The following PCDHA10 variants were observed in gnomAD, a reference collection of about 807,000 sequenced individuals.
PCDHA10 encodes the protein protocadherin alpha-10.
PCDHA10 carries 45 observed loss-of-function variants against 61.2 expected under a neutral mutation model. The observed-to-expected ratio is 0.74, with a 90% CI of 0.58 to 0.94. The LOEUF (loss-of-function observed/expected upper bound fraction) is 0.94, where lower values mean the gene tolerates loss of function less well. PCDHA10 is among the 40% of genes least tolerant of loss of function. The probability of loss-of-function intolerance (pLI) is 0.00; values close to 1 mark genes in which losing one functional copy is unlikely to be tolerated. For missense variants in PCDHA10, 1,278 were observed against 1,236.2 expected, an observed-to-expected ratio of 1.03 and a Z score of -0.51; for synonymous variants, 602 against 548.8, an observed-to-expected ratio of 1.10 and a Z score of -1.35.
At chr5:140,886,742 C>T (rs2061110620) in intron 1 of PCDHA10, among the ~76,000 whole-genome samples, 1 of 149,008 alleles carries the variant, frequency 6.7e-6, no homozygotes, top group Non-Finnish European at 1.5e-5. Flanking sequence ...AAGAGAATTG[C>T]TTGAACCCGG....
At position 140,877,889 on chromosome 5, in the gene PCDHA10, G is replaced by A. The variant is rs904032241; in HGVS notation, c.2388+19453G>A. On this transcript the variant is annotated intron_variant, in intron 1 of 3. Coordinates refer to ENST00000307360, the MANE Select transcript of PCDHA10 (RefSeq NM_018901.4). ...ATATTTGTTTCCTTGAAGAACTTCC[G>A]TTTAGGTTATAACTACATTCTCTCA... 3.3e-5 allele frequency: 48 copies of A among 1,457,998 alleles called. No homozygotes were observed. The African/African-American group carries it at 6.0e-4, about 18-fold the overall frequency. 90.3% of individuals were successfully genotyped at this position (1,457,998 alleles called of 1,614,324 possible). A position where few individuals can be genotyped will look rare whatever the true frequency, so the allele number is the denominator to read the frequency against.
intron 1 of PCDHA10, among the ~76,000 whole-genome samples, chr5:140,921,646 G>T (rs957810883): frequency 6.6e-6 from 1 of 152,124 alleles, no homozygotes; most frequent in Admixed American, 6.5e-5. Context: ...GCTATTTTAA[G>T]GGAACTTAAT....
intron 1 of PCDHA10, among the ~76,000 whole-genome samples, chr5:140,940,510 G>A (rs1477590604): frequency 4.0e-5 from 6 of 151,894 alleles, no homozygotes; most frequent in African/African-American, 9.7e-5. Context: ...TCGCTCAGGC[G>A]TGATCATAGC....
chr5:140,911,455 C>G (rs1266220741), intron 1 of PCDHA10, among the ~76,000 whole-genome samples: 3 of 152,132 alleles, frequency 2.0e-5, no homozygotes, highest in African/African-American at 7.2e-5. Flanking sequence ...AGCTCTTTCT[C>G]TACAGGAGAT....
intron 1 of PCDHA10, among the ~76,000 whole-genome samples, chr5:140,956,246 C>T (rs2095270779): frequency 6.6e-6 from 1 of 152,094 alleles, no homozygotes; most frequent in African/African-American, 2.4e-5. Context: ...GGGAATGCTT[C>T]CAGGTTTTGC....
chr5:141,003,574 A>C (rs559561339), intron 3 of PCDHA10, among the ~76,000 whole-genome samples: 9 of 151,680 alleles, frequency 5.9e-5, no homozygotes, highest in African/African-American at 2.2e-4. Context: ...CAGACTCCCA[A>C]AGTGCTGGGA....
intron 1 of PCDHA10, chr5:140,882,641 G>A (rs1464189390): frequency 6.2e-7 from 1 of 1,614,104 alleles, no homozygotes; most frequent in Non-Finnish European, 8.5e-7. Context: ...GAAGGTGAGG[G>A]ACATTAACGA....
In PCDHA10 at chr5:140,978,964, C is replaced by A; in HGVS notation, c.2404C>A (p.Pro802Thr). The A allele has an allele frequency of 6.2e-7, 1 of 1,614,122 alleles. No individual in the cohort carries two copies. The highest frequency in any genetic ancestry group is 1.3e-5 in the African/African-American group (1 of 75,040). ...GATTTTGCAGCCACGACAGCCCAAC[C>A]CTGACTGGCGTTACTCTGCCTCCCT... The part of the protein sequence containing the change: ...DHSRKPRQPN[P>T]DWRYSASLRA... Residue 802 changes from proline (P) to threonine (T), a missense_variant, in exon 2 of 4, where the codon CCT becomes ACT. Transcript: ENST00000307360.
In PCDHA10 at chr5:141,011,807, A is replaced by G. The variant is rs940017317; in HGVS notation, c.*1870A>G. ...CTAATGGTATCTGAAATATCAGCTC[A>G]TAGAAAGTAACAAAATTTGCTGTCA... On this transcript the variant is annotated 3_prime_UTR_variant, in exon 4 of 4. Coordinates refer to ENST00000307360, the MANE Select transcript of PCDHA10 (RefSeq NM_018901.4). The G allele has an allele frequency of 1.3e-5, 2 of 153,798 alleles. No individual in the cohort carries two copies. Among genetic ancestry groups the G allele is most frequent in the African/African-American group, 4.8e-5 (2 of 41,468 alleles). The allele number at this position is 153,798 out of a possible 1,614,324, so 9.5% of individuals were successfully genotyped here.
At chr5:140,938,631 T>C (rs1554212262) in intron 1 of PCDHA10, among the ~76,000 whole-genome samples, 1 of 152,208 alleles carries the variant, frequency 6.6e-6, no homozygotes. Context: ...AGGTTGCTTA[T>C]GATGTATAAT....
intron 2 of PCDHA10, 171 bp downstream of exon 2, chr5:140,979,178 G>T: frequency 1.1e-6 from 1 of 944,140 alleles, no homozygotes; most frequent in Non-Finnish European, 1.3e-6. Flanking sequence ...GATCGCAAAT[G>T]GTCAGTGCCA....
chr5:140,999,091 T>G (rs1342614556), intron 3 of PCDHA10, among the ~76,000 whole-genome samples: 1 of 152,208 alleles, frequency 6.6e-6, no homozygotes, highest in South Asian at 2.1e-4. Flanking sequence ...TTCAGAGGGC[T>G]ATGGAGAGTA....
At chr5:140,903,625 A>T (rs2153481028) in intron 1 of PCDHA10, among the ~76,000 whole-genome samples, 1 of 152,362 alleles carries the variant, frequency 6.6e-6, no homozygotes, top group East Asian at 1.9e-4. Context: ...GTGCATGCAT[A>T]TGTATGCATA....
chr5:141,011,085 T>C lies in PCDHA10; in HGVS notation c.*1148T>C, dbSNP rs2098419298. The C allele has an allele frequency of 6.5e-6, 1 of 153,776 alleles. No homozygotes were observed. Among genetic ancestry groups the C allele is most frequent in the Non-Finnish European group, 1.5e-5 (1 of 68,046 alleles). The allele number at this position is 153,776 out of a possible 1,614,324, so 9.5% of individuals were successfully genotyped here. A position where few individuals can be genotyped will look rare whatever the true frequency, so the allele number is the denominator to read the frequency against. ...ATGTATTACTAAATAAAATGATCTC[T>C]CTTTCTCTCTCTCTCTCTCTTTTCT... On this transcript the variant is annotated 3_prime_UTR_variant, in exon 4 of 4. Transcript: ENST00000307360.
In PCDHA10 at chr5:140,856,944, G is replaced by C. The variant is rs1424566635; in HGVS notation, c.896G>C (p.Gly299Ala). ...RRKFWINERTGEIKVNDAIDF... is the reference protein window; with the variant it reads ...RRKFWINERTAEIKVNDAIDF... Reference sequence around the variant, plus strand: ...AAATTTTGGATAAACGAAAGGACGGGAGAAATAAAAGTAAATGATGCTATT... The same window carrying C: ...AAATTTTGGATAAACGAAAGGACGGCAGAAATAAAAGTAAATGATGCTATT... Residue 299 changes from glycine to alanine, a missense_variant, in exon 1 of 4, where the codon GGA becomes GCA. Gly to Ala is a moderately conservative substitution (Grantham distance 60). Transcript: ENST00000307360. 8.8e-6 allele frequency: 14 copies of C among 1,593,558 alleles called. 1 individual carries two copies. The highest frequency in any genetic ancestry group is 1.3e-5 in the African/African-American group (1 of 74,212).
intron 1 of PCDHA10, chr5:140,871,048 C>T (rs1472650820): frequency 6.2e-7 from 1 of 1,613,348 alleles, no homozygotes; most frequent in Non-Finnish European, 8.5e-7. Context: ...ACTTCTAGTA[C>T]TGGTGAAGGA....
chr5:140,918,633 A>G (rs2078785997), intron 1 of PCDHA10, among the ~76,000 whole-genome samples: 1 of 152,242 alleles, frequency 6.6e-6, no homozygotes, highest in Non-Finnish European at 1.5e-5. Flanking sequence ...CCCCAAATTC[A>G]TAAATTGAAA....
rs192969362 is a variant in PCDHA10 at position 140,893,205 on chromosome 5, T to C, written c.2388+34769T>C. On this transcript the variant is annotated intron_variant, in intron 1 of 3. Transcript: ENST00000307360. ...CTATTGTGAATAGTGCTGCAGTAAG[T>C]ATGGGAGGTGCAGGTATCACTTTGA... Among the ~76,000 whole-genome samples, 9 of 152,220 alleles carry C rather than the reference T, an allele frequency of 5.9e-5. No homozygotes were observed. The East Asian group carries it at 9.6e-4, about 16-fold the overall frequency.
chr5:140,920,841 T>TAA (rs781921146), intron 1 of PCDHA10, among the ~76,000 whole-genome samples: 36 of 109,202 alleles, frequency 3.3e-4, no homozygotes, highest in African/African-American at 8.5e-4. Flanking sequence ...AGACCAAATC[T>TAA]AAAAAAAAAA....
Sources: gnomAD v4.1 joint callset for allele counts (sites outside exome capture counted in the v4.1 genomes callset) on GRCh38, gnomAD v4.1.1 for gene constraint, MANE v1.5 for transcripts, NCBI Gene and HGNC (gene_info 2026-07-23, HGNC 2026-07-21) for gene names.